ADCK1: variants seen among roughly 807,000 people sequenced by gnomAD.
ADCK1 encodes the protein aarF domain-containing protein kinase 1.
ADCK1 carries 41 observed loss-of-function variants against 52.3 expected under a neutral mutation model. That is an observed-to-expected ratio of 0.78 (90% CI 0.61 to 1.02). The LOEUF (loss-of-function observed/expected upper bound fraction) is 1.02, where lower values mean the gene tolerates loss of function less well. Ranked by LOEUF, ADCK1 falls within the 50% of genes least tolerant of loss-of-function variation. The pLI is 0.00. For missense variants in ADCK1, 658 were observed against 679.5 expected, an observed-to-expected ratio of 0.97 and a Z score of 0.35; for synonymous variants, 250 against 274.6, an observed-to-expected ratio of 0.91 and a Z score of 0.89.
chr14:77,869,722 G>C (rs2082735621), intron 4 of ADCK1, among the ~76,000 whole-genome samples: 11 of 152,184 alleles, frequency 7.2e-5, no homozygotes, highest in Admixed American at 7.2e-4. Context: ...TTGGGCTAGA[G>C]TTGGGCCTTG....
intron 6 of ADCK1, among the ~76,000 whole-genome samples, chr14:77,903,210 T>C (rs1208509618): frequency 1.3e-5 from 2 of 152,236 alleles, no homozygotes; most frequent in Non-Finnish European, 2.9e-5. Context: ...CCTAAGACAG[T>C]GGTGGAATTA....
intron 3 of ADCK1, among the ~76,000 whole-genome samples, chr14:77,830,881 G>C (rs748595371): frequency 6.6e-6 from 1 of 152,140 alleles, no homozygotes; most frequent in Non-Finnish European, 1.5e-5. Context: ...TCAGTAGTAT[G>C]TGTTTGTTTG....
In ADCK1 at chr14:77,822,537, C is replaced by T. The variant is rs1243241578; in HGVS notation, c.219+19C>T. On this transcript the variant is annotated intron_variant, in intron 3 of 10. Transcript: ENST00000238561. ...ATCTAAGGTAAGTAACCCATGGGAC[C>T]CATCTGAGCCAGGCCAGGACTGGAT... is the stretch of plus-strand genomic sequence containing the variant. 6.3e-7 allele frequency: 1 copy of T among 1,592,822 alleles called. No homozygotes were observed. Among genetic ancestry groups the T allele is most frequent in the Non-Finnish European group, 8.6e-7 (1 of 1,160,728 alleles).
rs779163496 is a variant in ADCK1, at chr14:77,924,464, G to T, written c.866G>T (p.Arg289Leu). The change falls in exon 8 of 11, where the codon CGC (arginine) becomes CTC (leucine). Residue 289 changes from arginine to leucine, a missense_variant. Physicochemically the swap from Arg to Leu is moderately radical, Grantham distance 102. Transcript: ENST00000238561. ...RNKIDVNEISRHLGKMYSEMI... is the reference protein window; with the variant it reads ...RNKIDVNEISLHLGKMYSEMI... ...GCCCCTCTTCTCTTTCAGATCTCACGCCACCTGGGCAAGATGTATAGTGAG... is the reference window on the plus strand; with the variant it reads ...GCCCCTCTTCTCTTTCAGATCTCACTCCACCTGGGCAAGATGTATAGTGAG... 1 of 1,613,922 alleles carries T rather than the reference G, an allele frequency of 6.2e-7. No homozygotes were observed. Among genetic ancestry groups the T allele is most frequent in the African/African-American group, 1.3e-5 (1 of 75,066 alleles).
chr14:77,886,427 T>C (rs540822273), intron 4 of ADCK1, among the ~76,000 whole-genome samples: 62 of 152,346 alleles, frequency 4.1e-4, no homozygotes, highest in Non-Finnish European at 7.2e-4. Context: ...GGCACAGTGG[T>C]GGACAGTTCA....
Position 77,921,326 on chromosome 14 carries a change from C to CAAAAA in ADCK1, c.859-3113_859-3109dup, listed in dbSNP as rs756056466. ...TGGGCGACAGAGTGAGACTCTGTCT[C>CAAAAA]AAAAAAAAAAAAAAAAAAAAAAGAA... On this transcript the variant is annotated intron_variant, in intron 7 of 10. Coordinates refer to ENST00000238561, the MANE Select transcript of ADCK1 (RefSeq NM_020421.4). Among the ~76,000 whole-genome samples the CAAAAA allele has an allele frequency of 1.2e-3, 51 of 41,204 alleles. 1 individual carries two copies. The highest frequency in any genetic ancestry group is 3.1e-3 in the African/African-American group (45 of 14,546). The allele number at this position is 41,204 out of a possible 152,430, so 27.0% of individuals were successfully genotyped here.
intron 3 of ADCK1, among the ~76,000 whole-genome samples, chr14:77,850,056 A>T (rs774725600): frequency 3.9e-5 from 6 of 152,052 alleles, no homozygotes; most frequent in Non-Finnish European, 7.4e-5. Context: ...AATTTTAAAA[A>T]ATTACCTGGG....
chr14:77,826,806 T>C (rs2081717798), intron 3 of ADCK1, among the ~76,000 whole-genome samples: 2 of 152,182 alleles, frequency 1.3e-5, no homozygotes, highest in Admixed American at 6.6e-5. Flanking sequence ...CTTTATGAGT[T>C]TGGGAAGGGC....
chr14:77,912,054 T>C (rs374633573), intron 7 of ADCK1, among the ~76,000 whole-genome samples: 5 of 152,216 alleles, frequency 3.3e-5, no homozygotes, highest in African/African-American at 1.2e-4. Context: ...CTGCACCCAT[T>C]ATTGAACTTC....
At chr14:77,921,340 A>AAAAAAAAAG (rs2084052248) in intron 7 of ADCK1, among the ~76,000 whole-genome samples, 3 of 149,308 alleles carry the variant, frequency 2.0e-5, no homozygotes, top group East Asian at 2.0e-4. Flanking sequence ...AAAAAAAAAA[A>AAAAAAAAAG]AAAAAAAAGA....
At chr14:77,818,011 T>C (rs182669426) in intron 1 of ADCK1, among the ~76,000 whole-genome samples, 2 of 152,210 alleles carry the variant, frequency 1.3e-5, no homozygotes, top group Admixed American at 1.3e-4. Flanking sequence ...GTGCTGGGAT[T>C]ACAGGCGTGA....
intron 4 of ADCK1, 85 bp downstream of exon 4, chr14:77,859,364 T>A: frequency 7.3e-7 from 1 of 1,370,250 alleles, no homozygotes; most frequent in Non-Finnish European, 9.9e-7. Context: ...TCGACCAGGG[T>A]GCTGGGGATC....
intron 6 of ADCK1, among the ~76,000 whole-genome samples, chr14:77,901,875 C>T (rs1010078320): frequency 6.6e-6 from 1 of 152,316 alleles, no homozygotes; most frequent in South Asian, 2.1e-4. Flanking sequence ...GTTGTCTACA[C>T]TGAGCTTAGC....
At chr14:77,826,109 C>T (rs974062695) in intron 3 of ADCK1, among the ~76,000 whole-genome samples, 1 of 152,216 alleles carries the variant, frequency 6.6e-6, no homozygotes, top group Admixed American at 6.5e-5. Flanking sequence ...AAAGTGCAGC[C>T]TGGCATTTGA....
chr14:77,893,993 A>C (rs572316252), intron 5 of ADCK1, among the ~76,000 whole-genome samples: 1 of 152,162 alleles, frequency 6.6e-6, no homozygotes, highest in Non-Finnish European at 1.5e-5. Flanking sequence ...TCGGCCTCCC[A>C]AAGTGCTGGG....
At chr14:77,828,596 G>T (rs766518697) in intron 3 of ADCK1, among the ~76,000 whole-genome samples, 1 of 152,088 alleles carries the variant, frequency 6.6e-6, no homozygotes, top group African/African-American at 2.4e-5. Flanking sequence ...GTGCAGTGGC[G>T]TGGTCTCAGC....
intron 5 of ADCK1, among the ~76,000 whole-genome samples, chr14:77,888,814 C>T (rs928091088): frequency 5.3e-5 from 8 of 152,030 alleles, no homozygotes; most frequent in African/African-American, 1.9e-4. Context: ...ATTCCAAGAC[C>T]CCCAGTGGAT....
chr14:77,803,259 A>G (rs2081150202), intron 1 of ADCK1, among the ~76,000 whole-genome samples: 1 of 152,054 alleles, frequency 6.6e-6, no homozygotes, highest in Non-Finnish European at 1.5e-5. Flanking sequence ...AGGAAATGGG[A>G]GGAGGCCATG....
intron 4 of ADCK1, among the ~76,000 whole-genome samples, chr14:77,862,394 T>A (rs2082569915): frequency 6.6e-6 from 1 of 152,156 alleles, no homozygotes; most frequent in South Asian, 2.1e-4. Context: ...AGATGGCGCC[T>A]GAGCTTGCAA....
Sources: gnomAD v4.1 joint callset for allele counts (sites outside exome capture counted in the v4.1 genomes callset) on GRCh38, gnomAD v4.1.1 for gene constraint, MANE v1.5 for transcripts, NCBI Gene and HGNC (gene_info 2026-07-23, HGNC 2026-07-21) for gene names.